The following MARCHF8 variants were observed in gnomAD, a reference collection of about 807,000 sequenced individuals.
The protein encoded by MARCHF8 is E3 ubiquitin-protein ligase MARCHF8.
MARCHF8 carries 40 observed loss-of-function variants against 51.6 expected under a neutral mutation model. That is an observed-to-expected ratio of 0.77 (90% CI 0.60 to 1.01). The LOEUF is 1.01. Among genes scored for constraint, MARCHF8 ranks in the 50% least tolerant of loss-of-function variants. The pLI is 0.00. For synonymous variants in MARCHF8, 263 were observed against 280.3 expected (o/e 0.94, Z 0.62); for missense variants, 685 against 708.6 (o/e 0.97, Z 0.38).
chr10:45,507,878 C>T (rs1038176965), intron 2 of MARCHF8, among the ~76,000 whole-genome samples: 1 of 149,962 alleles, frequency 6.7e-6, no homozygotes, highest in Non-Finnish European at 1.5e-5. Context: ...TACACTGATA[C>T]AATACTGGAG....
upstream of MARCHF8, among the ~76,000 whole-genome samples, chr10:45,536,877 TAATAAA>T (rs1185920678): frequency 6.9e-6 from 1 of 144,356 alleles, no homozygotes; most frequent in African/African-American, 2.6e-5. Context: ...ATAATAATAA[TAATAAA>T]GACAAATAAC....
chr10:45,569,064 CAAAA>C (rs71023131), intron 1 of MARCHF8, among the ~76,000 whole-genome samples: 2 of 64,426 alleles, frequency 3.1e-5, no homozygotes, highest in African/African-American at 6.1e-5. Flanking sequence ...GACTCCATCT[CAAAA>C]AAAAAAAAAA....
intron 1 of MARCHF8, among the ~76,000 whole-genome samples, chr10:45,545,148 G>T (rs938051190): frequency 1.3e-5 from 2 of 152,150 alleles, no homozygotes; most frequent in Admixed American, 6.5e-5. Flanking sequence ...AATGTTCACA[G>T]AATGTTACAT....
At chr10:45,533,633 T>C (rs570384165) in intron 1 of MARCHF8, among the ~76,000 whole-genome samples, 14 of 152,248 alleles carry the variant, frequency 9.2e-5, no homozygotes, top group South Asian at 4.2e-4. Context: ...TGACCAAGCA[T>C]TTGTCCTGAA....
At chr10:45,524,055 A>C (rs1462212637) in intron 2 of MARCHF8, among the ~76,000 whole-genome samples, 2 of 152,254 alleles carry the variant, frequency 1.3e-5, no homozygotes, top group African/African-American at 4.8e-5. Context: ...CAGGACCTCA[A>C]AGTTGCACAT....
intron 2 of MARCHF8, among the ~76,000 whole-genome samples, chr10:45,503,265 C>T (rs573404009): frequency 3.0e-4 from 46 of 152,190 alleles, no homozygotes; most frequent in African/African-American, 7.2e-4. Context: ...TGGCCGGGCA[C>T]GGTGGCTCAC....
At chr10:45,594,389 C>G (rs2044713686) in exon 1 of MARCHF8, 1 of 152,284 alleles carries the variant, frequency 6.6e-6, no homozygotes, top group Non-Finnish European at 1.5e-5. Context: ...CGTCTCACAG[C>G]CGGTCAGGGA....
rs1432329591 is a variant in MARCHF8 at position 45,463,961 on chromosome 10, C to G, written c.278G>C (p.Ser93Thr). The change falls in exon 5 of 8, where the codon AGT becomes ACT. Residue 93 changes from serine (S) to threonine (T), a missense_variant. Ser to Thr is a moderately conservative substitution (Grantham distance 58). Coordinates refer to ENST00000453424, the MANE Select transcript of MARCHF8 (RefSeq NM_001282866.2). ...CGAGACAACAGCAGACTGCACGGAA[C>G]TGTGGTGACAACACTCAGAAAACAC... ...SAVFSECCHH[S>T]SVQSAVVSKA... 6.5e-7 allele frequency: 1 copy of G among 1,536,078 alleles called. No individual in the cohort carries two copies. Among genetic ancestry groups the G allele is most frequent in the Admixed American group, 2.0e-5 (1 of 50,988 alleles).
intron 3 of MARCHF8, among the ~76,000 whole-genome samples, chr10:45,478,747 T>A (rs2042831949): frequency 6.6e-6 from 1 of 152,054 alleles, no homozygotes; most frequent in Non-Finnish European, 1.5e-5. Flanking sequence ...ACGAACTACA[T>A]GCTATCAAAC....
intron 2 of MARCHF8, among the ~76,000 whole-genome samples, chr10:45,500,860 GC>G (rs2043266342): frequency 2.6e-5 from 4 of 151,070 alleles, no homozygotes; most frequent in Non-Finnish European, 1.5e-5. Context: ...TAACTGCATT[GC>G]TATATATATA....
rs558793009 is a variant in MARCHF8 at position 45,464,824 on chromosome 10, C to T, written c.154-497G>A. On this transcript the variant is annotated intron_variant, in intron 3 of 7. Transcript: ENST00000453424. Reference sequence around the variant, plus strand: ...CCTGAGTTCCACAAAACCTCACTGCCCTGCCACAGCTCTTCACACAAAAGG... The same window carrying T: ...CCTGAGTTCCACAAAACCTCACTGCTCTGCCACAGCTCTTCACACAAAAGG... Among the ~76,000 whole-genome samples the T allele has an allele frequency of 1.9e-3, 289 of 152,186 alleles. 1 individual carries two copies. Among genetic ancestry groups the T allele is most frequent in the Non-Finnish European group, 3.4e-3 (229 of 68,038 alleles).
intron 3 of MARCHF8, among the ~76,000 whole-genome samples, chr10:45,471,406 A>C (rs898153658): frequency 6.6e-6 from 1 of 152,236 alleles, no homozygotes; most frequent in Admixed American, 6.5e-5. Flanking sequence ...CATTGAAGAC[A>C]ATGATTTCTG....
chr10:45,505,712 A>G (rs2043367299), intron 2 of MARCHF8, among the ~76,000 whole-genome samples: 1 of 152,214 alleles, frequency 6.6e-6, no homozygotes, highest in Non-Finnish European at 1.5e-5. Flanking sequence ...ATTCGGTTTT[A>G]TGGTCTGGCC....
chr10:45,459,352 G>T, intron 6 of MARCHF8, 85 bp from the exon 7 acceptor site: 1 of 1,420,980 alleles, frequency 7.0e-7, no homozygotes. Context: ...GGTAAGATTG[G>T]CTTTCCACCC....
At chr10:45,493,616 A>T (rs1346641215) in intron 2 of MARCHF8, among the ~76,000 whole-genome samples, 1 of 152,164 alleles carries the variant, frequency 6.6e-6, no homozygotes, top group Non-Finnish European at 1.5e-5. Context: ...GGATCTTGCT[A>T]AAATGTAGAT....
rs943182249 is a variant in MARCHF8, at chr10:45,488,197, T to C, written c.153+1170A>G. 3.3e-5 allele frequency among the ~76,000 whole-genome samples: 5 copies of C among 152,148 alleles called. No individual in the cohort carries two copies. The East Asian group carries it at 9.6e-4, about 29-fold the overall frequency. ...TTCACTTCCCAAGCCCTCCTTTCCC[T>C]AGCTGCCTTCCAGCTAGAGGTGGCC... On this transcript the variant is annotated intron_variant, in intron 3 of 7. Transcript: ENST00000453424.
chr10:45,515,592 CT>C (rs1373981503), intron 2 of MARCHF8, among the ~76,000 whole-genome samples: 2 of 152,190 alleles, frequency 1.3e-5, no homozygotes, highest in African/African-American at 4.8e-5. Context: ...AATTCTCTTC[CT>C]TTTTTGCAGG....
chr10:45,529,053 T>A (rs764996276), intron 2 of MARCHF8, among the ~76,000 whole-genome samples: 12 of 152,226 alleles, frequency 7.9e-5, no homozygotes, highest in Non-Finnish European at 1.2e-4. Context: ...GGCATCAAAT[T>A]ACTTGACTTC....
At chr10:45,483,426 T>A (rs2042924872) in intron 3 of MARCHF8, among the ~76,000 whole-genome samples, 2 of 152,048 alleles carry the variant, frequency 1.3e-5, no homozygotes, top group South Asian at 4.2e-4. Flanking sequence ...CAGATGTTGG[T>A]GAGGATGCAG....
Sources: gnomAD v4.1 joint callset for allele counts (sites outside exome capture counted in the v4.1 genomes callset) on GRCh38, gnomAD v4.1.1 for gene constraint, MANE v1.5 for transcripts, NCBI Gene and HGNC (gene_info 2026-07-23, HGNC 2026-07-21) for gene names.